The following ABCC5 variants were observed in gnomAD, a reference collection of about 807,000 sequenced individuals.
ABCC5 encodes ATP-binding cassette sub-family C member 5.
ABCC5 carries 61 observed loss-of-function variants against 160.9 expected under a neutral mutation model. The observed-to-expected ratio is 0.38, with a 90% CI of 0.31 to 0.47. The LOEUF is 0.47. Among genes scored for constraint, ABCC5 ranks in the 20% least tolerant of loss-of-function variants. The pLI, the probability that ABCC5 is intolerant of heterozygous loss-of-function variation, is 0.99. For synonymous variants in ABCC5, 666 were observed against 700.6 expected (o/e 0.95, Z 0.78); for missense variants, 1,308 against 1,813.3 (o/e 0.72, Z 5.06).
intron 10 of ABCC5, among the ~76,000 whole-genome samples, chr3:183,976,144 G>A (rs372895170): frequency 6.6e-6 from 1 of 151,834 alleles, no homozygotes; most frequent in East Asian, 1.9e-4. Context: ...GGGCACATTC[G>A]AAGACTAGCT....
intron 22 of ABCC5, among the ~76,000 whole-genome samples, 196 bp from the exon 23 acceptor site, chr3:183,947,706 T>G (rs1714977723): frequency 1.3e-5 from 2 of 152,168 alleles, no homozygotes; most frequent in African/African-American, 4.8e-5. Flanking sequence ...TAGGAGGACA[T>G]TAAGTTTTTC....
intron 2 of ABCC5, among the ~76,000 whole-genome samples, chr3:184,006,726 C>A (rs1414925742): frequency 6.6e-6 from 1 of 152,084 alleles, no homozygotes; most frequent in East Asian, 1.9e-4. Flanking sequence ...AGAGATTAGA[C>A]CCACATCTTT....
At chr3:183,933,450 G>A (rs1713377836) in intron 26 of ABCC5, among the ~76,000 whole-genome samples, 1 of 152,122 alleles carries the variant, frequency 6.6e-6, no homozygotes, top group African/African-American at 2.4e-5. Context: ...GGGTTTCCTG[G>A]GTCCAGGAAG....
chr3:183,957,522 T>G (rs77684739), intron 17 of ABCC5, among the ~76,000 whole-genome samples: 6 of 117,522 alleles, frequency 5.1e-5, no homozygotes, highest in East Asian at 2.7e-4. Context: ...GGTTACATGC[T>G]TATCTGTGTG....
chr3:184,000,824 T>C (rs1425788402), intron 2 of ABCC5: 1 of 166,934 alleles, frequency 6.0e-6, no homozygotes, highest in East Asian at 1.6e-4. Flanking sequence ...GGGATCTAAA[T>C]GCCTAATACA....
Position 183,940,335 on chromosome 3 carries a change from T to C in ABCC5, c.3695-2275A>G, listed in dbSNP as rs1330914929. On this transcript the variant is annotated intron_variant, in intron 25 of 29. Transcript: ENST00000334444. ...AAACATGGCAAAACCCTGTCTCTAC[T>C]AAAAAATACAAAAAAAAAAAAAAAT... is the stretch of plus-strand genomic sequence containing the variant. 2.9e-5 allele frequency among the ~76,000 whole-genome samples: 3 copies of C among 102,612 alleles called. No homozygotes were observed. The East Asian group carries it at 1.0e-3, about 36-fold the overall frequency. 67.3% of individuals were successfully genotyped at this position (102,612 alleles called of 152,430 possible).
intron 27 of ABCC5, 108 bp downstream of exon 27, chr3:183,928,639 C>T (rs1577453671): frequency 1.0e-6 from 1 of 975,972 alleles, no homozygotes. Context: ...AAGCCTTTGT[C>T]CACAGGCATC....
At chr3:183,981,186 C>T (rs1469764762) in intron 8 of ABCC5, among the ~76,000 whole-genome samples, 2 of 152,166 alleles carry the variant, frequency 1.3e-5, no homozygotes, top group African/African-American at 4.8e-5. Context: ...TCAAGGCACA[C>T]TGGTTCAATT....
intron 16 of ABCC5, among the ~76,000 whole-genome samples, chr3:183,961,240 C>A (rs1282539165): frequency 6.6e-6 from 1 of 152,204 alleles, no homozygotes; most frequent in African/African-American, 2.4e-5. Context: ...ATCTTCTCTG[C>A]CCTCACTGAG....
chr3:184,000,129 C>T (rs1478469575), intron 2 of ABCC5, among the ~76,000 whole-genome samples: 3 of 151,732 alleles, frequency 2.0e-5, no homozygotes, highest in East Asian at 2.0e-4. Context: ...GAGGCTCAAG[C>T]GGGCAGATCG....
intron 12 of ABCC5, chr3:183,967,354 G>C (rs1478429380): frequency 3.3e-6 from 1 of 299,398 alleles, no homozygotes; most frequent in Admixed American, 4.2e-5. Flanking sequence ...CAGCGCTGCA[G>C]TGTAGGGTGT....
intron 10 of ABCC5, among the ~76,000 whole-genome samples, chr3:183,972,728 T>G (rs999819824): frequency 6.6e-6 from 1 of 152,058 alleles, no homozygotes; most frequent in Admixed American, 6.5e-5. Flanking sequence ...CACTGCAACC[T>G]CCACCTCCCA....
intron 26 of ABCC5, among the ~76,000 whole-genome samples, chr3:183,929,158 T>G (rs1440849133): frequency 6.6e-6 from 1 of 152,142 alleles, no homozygotes; most frequent in African/African-American, 2.4e-5. Flanking sequence ...TTCGGCTGGG[T>G]GCAATGGCTC....
chr3:183,959,570 C>T (rs912267726), intron 17 of ABCC5, among the ~76,000 whole-genome samples, 163 bp downstream of exon 17: 4 of 152,154 alleles, frequency 2.6e-5, no homozygotes, highest in South Asian at 2.1e-4. Context: ...GAAGGTGCCT[C>T]GTGGTCTCCC....
At chr3:183,928,131 A>G (rs1328267786) in intron 27 of ABCC5, among the ~76,000 whole-genome samples, 2 of 108,736 alleles carry the variant, frequency 1.8e-5, no homozygotes, top group Non-Finnish European at 3.9e-5. Flanking sequence ...TTTTTTTTTG[A>G]GACAGAGTTT....
At chr3:183,959,052 T>TACACACACACACACACACAC (rs59592606) in intron 17 of ABCC5, among the ~76,000 whole-genome samples, 2 of 148,056 alleles carry the variant, frequency 1.4e-5, no homozygotes, top group African/African-American at 5.0e-5. Flanking sequence ...ATCTATACAG[T>TACACACACACACACACACAC]ACACACACAC....
chr3:183,992,306 T>C (rs1236784549), intron 2 of ABCC5, among the ~76,000 whole-genome samples: 1 of 151,868 alleles, frequency 6.6e-6, no homozygotes, highest in African/African-American at 2.4e-5. Flanking sequence ...AGCTCAGGAG[T>C]TTGAGGCTGC....
At chr3:183,973,253 A>G (rs1325923918) in intron 10 of ABCC5, among the ~76,000 whole-genome samples, 1 of 151,058 alleles carries the variant, frequency 6.6e-6, no homozygotes, top group Non-Finnish European at 1.5e-5. Context: ...ACAGGGTTTC[A>G]CTATATTAGC....
At chr3:183,926,469 G>A (rs148494790) in intron 28 of ABCC5, among the ~76,000 whole-genome samples, 80 of 151,902 alleles carry the variant, frequency 5.3e-4, no homozygotes, top group African/African-American at 1.4e-3. Context: ...AGAATCGCGC[G>A]AATCCAGGAG....
Sources: allele counts gnomAD v4.1 joint callset (sites outside exome capture counted in the v4.1 genomes callset), GRCh38; gene constraint gnomAD v4.1.1; transcripts MANE v1.5; gene names NCBI Gene and HGNC (gene_info 2026-07-23, HGNC 2026-07-21).